The following TRMT11 variants were observed in gnomAD, a reference collection of about 807,000 sequenced individuals.
The protein encoded by TRMT11 is tRNA (guanine(10)-N(2))-methyltransferase TRMT11.
TRMT11 carries 53 observed loss-of-function variants against 62.8 expected under a neutral mutation model. The observed-to-expected ratio is 0.84, with a 90% CI of 0.68 to 1.06. The LOEUF is 1.06. Among genes scored for constraint, TRMT11 ranks in the 50% least tolerant of loss-of-function variants. The pLI is 0.00. For missense variants in TRMT11, 556 were observed against 553.4 expected (o/e 1.00, Z -0.05); for synonymous variants, 188 against 190.3 (o/e 0.99, Z 0.10).
At chr6:126,036,183 T>C (rs1422360174) in intron 12 of TRMT11, among the ~76,000 whole-genome samples, 1 of 152,134 alleles carries the variant, frequency 6.6e-6, no homozygotes, top group Non-Finnish European at 1.5e-5. Flanking sequence ...AATACCTGAC[T>C]GCATTCTGAT....
chr6:126,222,781 C>T, the TRMT11 span, among the ~76,000 whole-genome samples: 4,448 of 152,134 alleles, frequency 0.029, 206 homozygotes, highest in African/African-American at 0.1. Context: ...ATCCATCTTG[C>T]CACTCTATGC....
intron 17 of TRMT11, among the ~76,000 whole-genome samples, chr6:126,104,112 A>T (rs948280329): frequency 6.6e-6 from 1 of 152,228 alleles, no homozygotes; most frequent in Admixed American, 6.5e-5. Flanking sequence ...AATAATCACC[A>T]TCAAAATTTG....
intron 17 of TRMT11, among the ~76,000 whole-genome samples, chr6:126,069,567 T>C (rs1039612137): frequency 6.6e-6 from 1 of 152,232 alleles, no homozygotes; most frequent in African/African-American, 2.4e-5. Flanking sequence ...GTCAGACCCT[T>C]GTCCGAGCCA....
In TRMT11 at chr6:126,191,402, T is replaced by C. The variant is rs72977829; in HGVS notation, n.144-7397T>C. On this transcript the variant is annotated intron_variant and non_coding_transcript_variant, in intron 1 of 3. Transcript: ENST00000444229. ...TTCTCCGATTCTATAAGCTATCTCT[T>C]CATTATGTTAGTTATTTCCCTTGTT... Among the ~76,000 whole-genome samples, 1,100 of 151,982 alleles carry C rather than the reference T, an allele frequency of 7.2e-3. 12 individuals are homozygous for C. The highest frequency in any genetic ancestry group is 0.013 in the Non-Finnish European group (879 of 67,900).
At chr6:126,047,243 G>A (rs1337972397) in intron 16 of TRMT11, among the ~76,000 whole-genome samples, 1 of 151,580 alleles carries the variant, frequency 6.6e-6, no homozygotes, top group Non-Finnish European at 1.5e-5. Context: ...CTGTTTTTGT[G>A]CCCAAATGTT....
intron 17 of TRMT11, among the ~76,000 whole-genome samples, chr6:126,086,187 A>G (rs1398967864): frequency 6.6e-6 from 1 of 152,190 alleles, no homozygotes; most frequent in Non-Finnish European, 1.5e-5. Flanking sequence ...TTATCTAGAT[A>G]AAAGTGTGAA....
At chr6:126,271,363 CAAAAAAAA>C in the TRMT11 span, among the ~76,000 whole-genome samples, 3 of 36,266 alleles carry the variant, frequency 8.3e-5, no homozygotes, top group Non-Finnish European at 1.5e-4. Context: ...GACTCCATCT[CAAAAAAAA>C]AAAAAAAAAA....
intron 21 of TRMT11, among the ~76,000 whole-genome samples, chr6:126,140,955 C>G (rs1268744464): frequency 6.6e-6 from 1 of 152,058 alleles, no homozygotes. Flanking sequence ...CATGTTTCCT[C>G]ACCAGTGAAA....
At chr6:126,008,365 A>G in intron 7 of TRMT11, 27 bp from the exon 8 acceptor site, 1 of 1,606,240 alleles carries the variant, frequency 6.2e-7, no homozygotes, top group African/African-American at 1.3e-5. Flanking sequence ...TTACTGGTTA[A>G]CAGGTCAAAA....
chr6:126,106,871 G>T (rs1437634160), intron 17 of TRMT11, among the ~76,000 whole-genome samples: 1 of 148,032 alleles, frequency 6.8e-6, no homozygotes, highest in East Asian at 2.0e-4. Context: ...TTTTACTTTT[G>T]CATTAAAATT....
chr6:126,115,939 C>T (rs1443219973), intron 21 of TRMT11, among the ~76,000 whole-genome samples: 2 of 151,924 alleles, frequency 1.3e-5, no homozygotes, highest in African/African-American at 4.8e-5. Context: ...AAGTGTGAGT[C>T]CCAGCTCTGG....
At chr6:126,199,946 G>A (rs967263830) in intron 3 of TRMT11, 4 of 152,162 alleles carry the variant, frequency 2.6e-5, no homozygotes, top group African/African-American at 7.2e-5. Flanking sequence ...CGCTAAGATG[G>A]AATACTAATG....
intron 17 of TRMT11, among the ~76,000 whole-genome samples, chr6:126,093,585 G>GTGTATATA (rs1313520779): frequency 5.6e-4 from 26 of 46,688 alleles, no homozygotes; most frequent in Admixed American, 8.0e-4. Context: ...GGATATGTAT[G>GTGTATATA]TATATATATA....
intron 17 of TRMT11, among the ~76,000 whole-genome samples, chr6:126,078,824 T>C (rs977605774): frequency 2.6e-5 from 4 of 152,188 alleles, no homozygotes; most frequent in African/African-American, 7.2e-5. Flanking sequence ...GTCACACTTT[T>C]GTAGGAAGAA....
chr6:126,020,768 T>A (rs1169805706), intron 11 of TRMT11, among the ~76,000 whole-genome samples: 2 of 152,206 alleles, frequency 1.3e-5, no homozygotes, highest in Admixed American at 1.3e-4. Flanking sequence ...ATTATACACT[T>A]CGGGAATTTA....
intron 21 of TRMT11, among the ~76,000 whole-genome samples, chr6:126,167,570 C>T (rs1369376524): frequency 6.6e-6 from 1 of 152,150 alleles, no homozygotes; most frequent in African/African-American, 2.4e-5. Context: ...TCTTGCCAGC[C>T]ATCTGTTATG....
chr6:126,130,919 T>C (rs1419236125), intron 21 of TRMT11, among the ~76,000 whole-genome samples: 1 of 152,132 alleles, frequency 6.6e-6, no homozygotes, highest in Non-Finnish European at 1.5e-5. Flanking sequence ...TCTCTATGAA[T>C]ACATTTGAAA....
At chr6:126,156,818 C>T (rs1480181645) in intron 21 of TRMT11, among the ~76,000 whole-genome samples, 1 of 152,168 alleles carries the variant, frequency 6.6e-6, no homozygotes, top group Non-Finnish European at 1.5e-5. Context: ...CATGAGAGAT[C>T]TGCCCCCAGG....
downstream of TRMT11, among the ~76,000 whole-genome samples, chr6:126,202,469 C>G (rs1778743311): frequency 6.6e-6 from 1 of 152,100 alleles, no homozygotes; most frequent in South Asian, 2.1e-4. Flanking sequence ...TACTTCTTTT[C>G]CCCCTGTAGC....
Sources: allele counts gnomAD v4.1 joint callset (sites outside exome capture counted in the v4.1 genomes callset), GRCh38; gene constraint gnomAD v4.1.1; transcripts MANE v1.5; gene names NCBI Gene and HGNC (gene_info 2026-07-23, HGNC 2026-07-21).